CTNNA2: variants seen among roughly 807,000 people sequenced by gnomAD.
CTNNA2 encodes catenin alpha-2.
A neutral mutation model predicts 101.0 loss-of-function variants in CTNNA2; 42 were observed. The observed-to-expected ratio is 0.42, with a 90% confidence interval of 0.32 to 0.54. The LOEUF (loss-of-function observed/expected upper bound fraction) is 0.54, where lower values mean the gene tolerates loss of function less well. CTNNA2 is among the 20% of genes least tolerant of loss of function. CTNNA2 has a pLI of 0.14. For synonymous variants in CTNNA2, 450 were observed against 456.4 expected (o/e 0.99, Z 0.18); for missense variants, 871 against 1,223.1 (o/e 0.71, Z 4.29).
intron 1 of CTNNA2, among the ~76,000 whole-genome samples, chr2:79,574,798 T>A (rs1675685687): frequency 6.6e-6 from 1 of 152,206 alleles, no homozygotes; most frequent in African/African-American, 2.4e-5. Flanking sequence ...GCTACACTGC[T>A]TTCCAAAATG....
intron 7 of CTNNA2, among the ~76,000 whole-genome samples, chr2:80,039,703 G>A (rs1574609716): frequency 2.0e-5 from 3 of 152,216 alleles, no homozygotes; most frequent in Admixed American, 6.5e-5. Context: ...TTTTATTTCT[G>A]TGTTCATTGG....
At chr2:80,215,668 C>T (rs1448734682) in intron 7 of CTNNA2, among the ~76,000 whole-genome samples, 2 of 152,118 alleles carry the variant, frequency 1.3e-5, no homozygotes, top group Non-Finnish European at 2.9e-5. Context: ...GTCAGTCGGC[C>T]CCTACTGGGA....
intron 7 of CTNNA2, among the ~76,000 whole-genome samples, chr2:80,319,455 T>C (rs908033296): frequency 6.6e-6 from 1 of 152,214 alleles, no homozygotes; most frequent in Non-Finnish European, 1.5e-5. Flanking sequence ...ATTTCTTCTG[T>C]AGTTGTTGTG....
chr2:80,409,442 G>A (rs1679365233), intron 8 of CTNNA2, among the ~76,000 whole-genome samples: 1 of 152,188 alleles, frequency 6.6e-6, no homozygotes, highest in Non-Finnish European at 1.5e-5. Flanking sequence ...AGTCAACCAT[G>A]TGTGAGGTCG....
chr2:79,329,926 A>G (rs1220143460), intron 3 of CTNNA2, among the ~76,000 whole-genome samples: 1 of 152,140 alleles, frequency 6.6e-6, no homozygotes, highest in South Asian at 2.1e-4. Flanking sequence ...TCACTCCTGC[A>G]ATTTGCCCCA....
chr2:80,261,322 G>C (rs1672588797), intron 7 of CTNNA2, among the ~76,000 whole-genome samples: 1 of 152,008 alleles, frequency 6.6e-6, no homozygotes. Flanking sequence ...CCTAGGAATG[G>C]CTTGGTTACA....
intron 1 of CTNNA2, among the ~76,000 whole-genome samples, chr2:79,569,744 A>C (rs149018165): frequency 1.3e-5 from 2 of 152,196 alleles, no homozygotes; most frequent in Admixed American, 1.3e-4. Context: ...GATTTAAAAC[A>C]TATGTAGGCT....
At chr2:80,189,669 C>G (rs937149036) in intron 7 of CTNNA2, among the ~76,000 whole-genome samples, 15 of 152,046 alleles carry the variant, frequency 9.9e-5, no homozygotes, top group African/African-American at 3.6e-4. Context: ...CTTCCAGGCC[C>G]ATGCCTGGGC....
chr2:79,778,835 T>C (rs56760418), intron 3 of CTNNA2, among the ~76,000 whole-genome samples: 3,532 of 152,280 alleles, frequency 0.023, 145 homozygotes, highest in African/African-American at 0.079. Flanking sequence ...TTAAGGTTTT[T>C]ATGCCAGTTT....
At chr2:79,789,437 G>A (rs1417492302) in intron 3 of CTNNA2, among the ~76,000 whole-genome samples, 1 of 152,126 alleles carries the variant, frequency 6.6e-6, no homozygotes, top group Non-Finnish European at 1.5e-5. Flanking sequence ...CAGAGTGGAA[G>A]GAGTTTATTT....
At chr2:79,486,214 T>G (rs1401959673) in intron 4 of CTNNA2, among the ~76,000 whole-genome samples, 2 of 147,962 alleles carry the variant, frequency 1.4e-5, no homozygotes, top group African/African-American at 2.5e-5. Flanking sequence ...CCTAATGCTA[T>G]CCCTCCCCCC....
intron 7 of CTNNA2, among the ~76,000 whole-genome samples, chr2:80,080,371 C>T (rs1398194008): frequency 1.3e-5 from 2 of 152,180 alleles, no homozygotes; most frequent in African/African-American, 4.8e-5. Flanking sequence ...AATAGACCCA[C>T]ACATACATGG....
chr2:79,998,436 T>A (rs76690039), intron 7 of CTNNA2, among the ~76,000 whole-genome samples: 7 of 152,302 alleles, frequency 4.6e-5, no homozygotes, highest in Admixed American at 2.6e-4. Context: ...GTTTCATGCA[T>A]CTTTCTGTTT....
intron 8 of CTNNA2, among the ~76,000 whole-genome samples, chr2:80,398,674 G>C (rs1392925701): frequency 6.8e-6 from 1 of 147,006 alleles, no homozygotes; most frequent in Admixed American, 6.8e-5. Flanking sequence ...GACCAACATG[G>C]TGAAACTCCG....
chr2:79,572,115 TTG>T (rs1375789292), intron 1 of CTNNA2, among the ~76,000 whole-genome samples: 1 of 152,152 alleles, frequency 6.6e-6, no homozygotes, highest in East Asian at 1.9e-4. Flanking sequence ...ACTTTTTAAC[TTG>T]GCTGTCTTCC....
intron 9 of CTNNA2, among the ~76,000 whole-genome samples, chr2:80,421,496 A>G (rs1680522839): frequency 6.6e-6 from 1 of 152,170 alleles, no homozygotes; most frequent in African/African-American, 2.4e-5. Context: ...TTCTCCTGTG[A>G]CAGGCGCTGG....
chr2:80,329,545 A>G (rs549216657), intron 7 of CTNNA2, among the ~76,000 whole-genome samples: 1 of 152,324 alleles, frequency 6.6e-6, no homozygotes, highest in East Asian at 1.9e-4. Flanking sequence ...CAGAGGATGT[A>G]GGGAACAGGT....
At chr2:79,675,573 A>G (rs903131584) in intron 2 of CTNNA2, among the ~76,000 whole-genome samples, 3 of 152,148 alleles carry the variant, frequency 2.0e-5, no homozygotes, top group African/African-American at 7.2e-5. Flanking sequence ...AACTACATAA[A>G]ATTTTATTTT....
At chr2:80,600,699 T>TG (rs1697417668) in intron 15 of CTNNA2, among the ~76,000 whole-genome samples, 1 of 152,084 alleles carries the variant, frequency 6.6e-6, no homozygotes. Flanking sequence ...ACTGAACATA[T>TG]CTACAGAAAA....
Sources: gnomAD v4.1 joint callset for allele counts (sites outside exome capture counted in the v4.1 genomes callset) on GRCh38, gnomAD v4.1.1 for gene constraint, MANE v1.5 for transcripts, NCBI Gene and HGNC (gene_info 2026-07-23, HGNC 2026-07-21) for gene names.